The following DNM1L variants were observed in gnomAD, a reference collection of about 807,000 sequenced individuals.
DNM1L encodes the protein dynamin 1L.
DNM1L carries 33 observed loss-of-function variants against 92.8 expected under a neutral mutation model. The observed-to-expected ratio is 0.36, with a 90% CI of 0.27 to 0.48. The LOEUF is 0.48. DNM1L is among the 20% of genes least tolerant of loss of function. DNM1L has a pLI of 0.99. For missense variants in DNM1L, 485 were observed against 888.8 expected, an observed-to-expected ratio of 0.55 and a Z score of 5.78; for synonymous variants, 284 against 305.0, an observed-to-expected ratio of 0.93 and a Z score of 0.72.
At chr12:32,685,317 C>G (rs193066931) in intron 1 of DNM1L, among the ~76,000 whole-genome samples, 2 of 148,318 alleles carry the variant, frequency 1.3e-5, no homozygotes, top group Non-Finnish European at 3.0e-5. Context: ...TTACGTTTAA[C>G]TTTCTGAAAA....
In DNM1L at chr12:32,722,476, A is replaced by G. The variant is rs745893339; in HGVS notation, c.922A>G (p.Ile308Val). Residue 308 changes from isoleucine to valine, a missense_variant, in exon 9 of 20, where the codon ATA becomes GTA. By Grantham distance (29) the Ile-to-Val change is conservative. Coordinates refer to ENST00000549701, the MANE Select transcript of DNM1L (RefSeq NM_012062.5). ...TTGTTTACCAGAGTTGAAAACAAGAATAAATGTTCTAGCTGCTCAGTATCA... is the reference window on the plus strand; with the variant it reads ...TTGTTTACCAGAGTTGAAAACAAGAGTAAATGTTCTAGCTGCTCAGTATCA... ...RDCLPELKTR[I>V]NVLAAQYQSL... 32 of 1,613,170 alleles carry G rather than the reference A, an allele frequency of 2.0e-5. No individual in the cohort carries two copies. The highest frequency in any genetic ancestry group is 1.4e-5 in the Non-Finnish European group (17 of 1,179,996).
chr12:32,719,743 CG>C (rs1953718207), intron 7 of DNM1L, among the ~76,000 whole-genome samples: 2 of 152,112 alleles, frequency 1.3e-5, no homozygotes, highest in Admixed American at 1.3e-4. Context: ...TGTCTAATTA[CG>C]TTTTAGACAC....
chr12:32,682,499 T>G (rs12298252), intron 1 of DNM1L, among the ~76,000 whole-genome samples: 23,612 of 152,034 alleles, frequency 0.16, 1,943 homozygotes, highest in Middle Eastern at 0.21. Flanking sequence ...TAAGCCTGGG[T>G]TGGGTGAGGG....
Position 32,731,619 on chromosome 12 carries a change from G to T in DNM1L, c.1356+108G>T. ...TAAGATGGGATACAAGGTAAAATCT[G>T]TAGTTCCCTTACCTGAAAGTGATTT... is the stretch of plus-strand genomic sequence containing the variant. On this transcript the variant is annotated intron_variant, in intron 11 of 19. Transcript: ENST00000549701. This position sits in a 1 kb window ranked among gnomAD's most constrained non-coding sequence, Gnocchi z 5.1. 1 of 1,395,370 alleles carries T rather than the reference G, an allele frequency of 7.2e-7. No homozygotes were observed. Among genetic ancestry groups the T allele is most frequent in the South Asian group, 1.2e-5 (1 of 83,154 alleles). The allele number at this position is 1,395,370 out of a possible 1,614,324, so 86.4% of individuals were successfully genotyped here.
chr12:32,697,055 C>G (rs1200823733), intron 1 of DNM1L, among the ~76,000 whole-genome samples: 8 of 151,064 alleles, frequency 5.3e-5, no homozygotes, highest in Admixed American at 5.3e-4. Context: ...ACGGTGAAAC[C>G]CCGTCTCTAC....
intron 6 of DNM1L, among the ~76,000 whole-genome samples, chr12:32,715,577 C>T (rs753437010): frequency 6.6e-6 from 1 of 151,784 alleles, no homozygotes; most frequent in African/African-American, 2.4e-5. Flanking sequence ...TCTAAAAATA[C>T]AAAAATTAGC....
At chr12:32,715,581 A>G (rs1297305320) in intron 6 of DNM1L, among the ~76,000 whole-genome samples, 3 of 151,878 alleles carry the variant, frequency 2.0e-5, no homozygotes, top group African/African-American at 7.3e-5. Context: ...AAAATACAAA[A>G]ATTAGCCAGG....
intron 1 of DNM1L, among the ~76,000 whole-genome samples, chr12:32,685,044 G>A (rs10844284): frequency 0.15 from 23,266 of 150,870 alleles, 1,896 homozygotes; most frequent in Middle Eastern, 0.21. Flanking sequence ...GGTTTACGCC[G>A]TTCTCCTGCC....
Position 32,743,530 on chromosome 12 carries a change from G to A in DNM1L, c.*120G>A, listed in dbSNP as rs1955462586. The stretch of plus-strand genomic sequence containing the variant: ...AATGGTATGAATCTGCTCATGTGGA[G>A]ACTGGCTATAAACTGAAAAGTGTAT... On this transcript the variant is annotated 3_prime_UTR_variant, in exon 20 of 20. Coordinates refer to ENST00000549701, the MANE Select transcript of DNM1L (RefSeq NM_012062.5). The A allele has an allele frequency of 1.1e-6, 1 of 937,648 alleles. No homozygotes were observed. Among genetic ancestry groups the A allele is most frequent in the East Asian group, 2.6e-5 (1 of 39,210 alleles). 58.1% of individuals were successfully genotyped at this position (937,648 alleles called of 1,614,324 possible).
rs763424954 is a variant in DNM1L, at chr12:32,731,826, AC to A, written c.1357-27del. 6.3e-7 allele frequency: 1 copy of A among 1,578,342 alleles called. No homozygotes were observed. Among genetic ancestry groups the A allele is most frequent in the Non-Finnish European group, 8.7e-7 (1 of 1,148,056 alleles). On this transcript the variant is annotated intron_variant, in intron 11 of 19. Transcript: ENST00000549701. This position sits in a 1 kb window ranked among gnomAD's most constrained non-coding sequence, Gnocchi z 5.1. The stretch of plus-strand genomic sequence containing the variant: ...CTTAAAAAAAAAACAAAAAACAAAC[AC>A]GTTTTTCTTTCATCTACCATTTGTA...
rs571798386 is a variant in DNM1L, at chr12:32,700,510, A to T, written c.103-905A>T. 5.5e-4 allele frequency among the ~76,000 whole-genome samples: 84 copies of T among 151,974 alleles called. 1 individual carries two copies. Among genetic ancestry groups the T allele is most frequent in the African/African-American group, 2.0e-3 (83 of 41,480 alleles). ...TGCCTGTAATCCCAGCACTTGGGAG[A>T]CTGAGGTGGGAGGATTGCTTGAGCC... On this transcript the variant is annotated intron_variant, in intron 1 of 19. Coordinates refer to ENST00000549701, the MANE Select transcript of DNM1L (RefSeq NM_012062.5).
Position 32,731,157 on chromosome 12 carries a change from A to G in DNM1L, c.1200+23A>G. ...ACTGTGAGTATGTTTAGCTTTTTAGACTGTAAAAAAAAATGAGGTTAAAGT... is the reference window on the plus strand; with the variant it reads ...ACTGTGAGTATGTTTAGCTTTTTAGGCTGTAAAAAAAAATGAGGTTAAAGT... On this transcript the variant is annotated intron_variant, in intron 10 of 19. Coordinates refer to ENST00000549701, the MANE Select transcript of DNM1L (RefSeq NM_012062.5). The surrounding 1 kb of genome is among the most constrained non-coding windows in gnomAD (Gnocchi z 5.1). 6.2e-7 allele frequency: 1 copy of G among 1,613,796 alleles called. No individual in the cohort carries two copies. Among genetic ancestry groups the G allele is most frequent in the Non-Finnish European group, 8.5e-7 (1 of 1,179,952 alleles).
At chr12:32,702,061 C>T (rs1952725232) in intron 2 of DNM1L, among the ~76,000 whole-genome samples, 1 of 150,898 alleles carries the variant, frequency 6.6e-6, no homozygotes. Flanking sequence ...TGGTGAAACC[C>T]CGTCTCTGCT....
chr12:32,701,204 AG>A (rs1181261238), intron 1 of DNM1L, among the ~76,000 whole-genome samples: 2 of 150,670 alleles, frequency 1.3e-5, no homozygotes, highest in African/African-American at 4.9e-5. Context: ...TGAACCCGGG[AG>A]GCGGAGGTTG....
chr12:32,694,418 A>G (rs1365553067), intron 1 of DNM1L, among the ~76,000 whole-genome samples: 1 of 152,132 alleles, frequency 6.6e-6, no homozygotes, highest in Non-Finnish European at 1.5e-5. Flanking sequence ...AGGGTCAAAT[A>G]ATATGTGGTC....
Position 32,737,383 on chromosome 12 carries a change from CATTT to C in DNM1L, c.1596+228_1596+231del, listed in dbSNP as rs10616342. The C allele has an allele frequency of 0.14, 73,122 of 512,414 alleles. 5,630 individuals carry two copies. Among genetic ancestry groups the C allele is most frequent in the African/African-American group, 0.23 (11,403 of 49,798 alleles). The allele number at this position is 512,414 out of a possible 1,614,324, so 31.7% of individuals were successfully genotyped here. ...ATAAATGCTTAAAAGTAGATTTAAG[CATTT>C]ATTTAAGCATTTAAGCATCAAGCTT... On this transcript the variant is annotated intron_variant, in intron 14 of 19. Coordinates refer to ENST00000549701, the MANE Select transcript of DNM1L (RefSeq NM_012062.5).
intron 14 of DNM1L, chr12:32,737,626 A>G: frequency 2.0e-6 from 1 of 496,004 alleles, no homozygotes; most frequent in South Asian, 2.2e-5. Context: ...TTAAATACCA[A>G]AAATAAAAAT....
At chr12:32,734,660 T>C (rs1231276268) in intron 13 of DNM1L, among the ~76,000 whole-genome samples, 3 of 152,070 alleles carry the variant, frequency 2.0e-5, no homozygotes, top group African/African-American at 7.2e-5. Flanking sequence ...TACAAAAAAT[T>C]AGCCGGGCTT....
At position 32,743,597 on chromosome 12, in the gene DNM1L, A is replaced by G. The variant is rs1565549780; in HGVS notation, c.*187A>G. The G allele has an allele frequency of 1.7e-6, 1 of 595,084 alleles. No individual in the cohort carries two copies. The highest frequency in any genetic ancestry group is 3.0e-6 in the Non-Finnish European group (1 of 336,790). The allele number at this position is 595,084 out of a possible 1,614,324, so 36.9% of individuals were successfully genotyped here. A position where few individuals can be genotyped will look rare whatever the true frequency, so the allele number is the denominator to read the frequency against. On this transcript the variant is annotated 3_prime_UTR_variant, in exon 20 of 20. Coordinates refer to ENST00000549701, the MANE Select transcript of DNM1L (RefSeq NM_012062.5). ...CATCACACATTTAATCCAAATAATA[A>G]ATGGCTGTTTCTAAAGTTTCCCAGT...
Sources: gnomAD v4.1 joint callset for allele counts (sites outside exome capture counted in the v4.1 genomes callset) on GRCh38, gnomAD v4.1.1 for gene constraint, Gnocchi (gnomAD v3.1) non-coding constraint, MANE v1.5 for transcripts, NCBI Gene and HGNC (gene_info 2026-07-23, HGNC 2026-07-21) for gene names.